ITGB3BP: variants seen among roughly 807,000 people sequenced by gnomAD.
The protein encoded by ITGB3BP is integrin subunit beta 3 binding protein.
Under a neutral mutation model 29.1 loss-of-function variants are expected in ITGB3BP, and 27 were observed. The ratio of observed to expected loss-of-function variants is 0.93; its 90% CI spans 0.68 to 1.28. The LOEUF (loss-of-function observed/expected upper bound fraction) is 1.28. Ranked by LOEUF, ITGB3BP falls within the 50% of genes most tolerant of loss-of-function variation. ITGB3BP has a pLI of 0.00. For synonymous variants in ITGB3BP, 61 were observed against 61.4 expected (o/e 0.99, Z 0.03); for missense variants, 192 against 200.2 (o/e 0.96, Z 0.25).
At chr1:63,456,959 AT>A (rs1311120527) in intron 4 of ITGB3BP, among the ~76,000 whole-genome samples, 2 of 152,204 alleles carry the variant, frequency 1.3e-5, no homozygotes, top group Non-Finnish European at 2.9e-5. Context: ...AATATCAATT[AT>A]CTGGGGAAGT....
chr1:63,510,926 T>C (rs563917238), intron 1 of ITGB3BP, among the ~76,000 whole-genome samples: 1 of 152,282 alleles, frequency 6.6e-6, no homozygotes, highest in East Asian at 1.9e-4. Context: ...AAGAGACGGA[T>C]GAAACATATG....
intron 4 of ITGB3BP, among the ~76,000 whole-genome samples, chr1:63,472,443 T>TCCCCTCTCCCCTCTC (rs11379062): frequency 4.4e-5 from 4 of 90,398 alleles, no homozygotes; most frequent in South Asian, 4.6e-4. Context: ...CCTCTCCCTC[T>TCCCCTCTCCCCTCTC]CCCTCTCCCC....
intron 7 of ITGB3BP, chr1:63,449,300 T>G (rs1050979523): frequency 1.3e-5 from 2 of 152,548 alleles, no homozygotes; most frequent in Admixed American, 6.5e-5. Flanking sequence ...TAATGTCTGA[T>G]AGCAAGTTAT....
At chr1:63,474,284 C>T in intron 4 of ITGB3BP, among the ~76,000 whole-genome samples, 1 of 144,368 alleles carries the variant, frequency 6.9e-6, no homozygotes, top group African/African-American at 2.5e-5. Flanking sequence ...GGGGGTCAGC[C>T]CCCCGCCCGG....
chr1:63,522,116 T>C (rs1646463446), intron 1 of ITGB3BP, among the ~76,000 whole-genome samples: 1 of 152,224 alleles, frequency 6.6e-6, no homozygotes, highest in South Asian at 2.1e-4. Flanking sequence ...TATTAGGTGA[T>C]GGGTTTCTTT....
chr1:63,522,998 G>A (rs762164547), intron 1 of ITGB3BP, 131 bp downstream of exon 1: 1 of 1,021,506 alleles, frequency 9.8e-7, no homozygotes, highest in African/African-American at 1.6e-5. Flanking sequence ...GAAGGGAATT[G>A]CCTGTGGACA....
intron 2 of ITGB3BP, among the ~76,000 whole-genome samples, chr1:63,490,877 T>C (rs757253971): frequency 1.3e-4 from 20 of 152,182 alleles, no homozygotes; most frequent in Non-Finnish European, 2.5e-4. Flanking sequence ...ATAAATATTA[T>C]CTTTTCATCT....
At chr1:63,449,824 A>T (rs1016757475) in intron 7 of ITGB3BP, 1 of 154,534 alleles carries the variant, frequency 6.5e-6, no homozygotes, top group African/African-American at 2.4e-5. Flanking sequence ...ATCTGTTTGA[A>T]AAAAATATAT....
intron 4 of ITGB3BP, among the ~76,000 whole-genome samples, chr1:63,469,078 G>C (rs1645150254): frequency 6.6e-6 from 1 of 150,700 alleles, no homozygotes; most frequent in Non-Finnish European, 1.5e-5. Context: ...CCAACATAAA[G>C]CTTTGTGAGC....
At chr1:63,485,594 C>T (rs1024754042) in intron 3 of ITGB3BP, among the ~76,000 whole-genome samples, 2 of 152,006 alleles carry the variant, frequency 1.3e-5, no homozygotes, top group African/African-American at 4.8e-5. Flanking sequence ...TGCAATTCCA[C>T]TCCTTTATCT....
intron 2 of ITGB3BP, among the ~76,000 whole-genome samples, chr1:63,503,614 T>C (rs961962421): frequency 2.6e-5 from 4 of 152,056 alleles, no homozygotes; most frequent in Admixed American, 2.0e-4. Flanking sequence ...TGGTATTGCC[T>C]AGGTTTTCTT....
intron 3 of ITGB3BP, among the ~76,000 whole-genome samples, chr1:63,486,939 A>G (rs1290101131): frequency 6.6e-6 from 1 of 152,102 alleles, no homozygotes; most frequent in Non-Finnish European, 1.5e-5. Flanking sequence ...GTAGCTATGA[A>G]ATTATTACAG....
At chr1:63,520,809 T>G (rs1646427522) in intron 1 of ITGB3BP, among the ~76,000 whole-genome samples, 1 of 152,220 alleles carries the variant, frequency 6.6e-6, no homozygotes, top group African/African-American at 2.4e-5. Context: ...ATCATTTCTC[T>G]GTATTTATCA....
At chr1:63,527,895 G>A (rs560382520), upstream of ITGB3BP, 2 of 152,244 alleles carry the variant, frequency 1.3e-5, no homozygotes, top group South Asian at 4.1e-4. Context: ...TCTCAAAACT[G>A]AACAGAAGAT....
At chr1:63,499,536 A>G (rs1256840364) in intron 2 of ITGB3BP, among the ~76,000 whole-genome samples, 1 of 152,196 alleles carries the variant, frequency 6.6e-6, no homozygotes, top group Non-Finnish European at 1.5e-5. Context: ...CTTTGAAGCC[A>G]GTATTATCCT....
intron 8 of ITGB3BP, 106 bp downstream of exon 8, chr1:63,446,700 C>T (rs2100471988): frequency 3.7e-6 from 3 of 811,232 alleles, no homozygotes; most frequent in Non-Finnish European, 6.2e-6. Flanking sequence ...TATTTTCTTA[C>T]AGGAAGACAA....
At chr1:63,496,590 G>C (rs964302199) in intron 2 of ITGB3BP, among the ~76,000 whole-genome samples, 5 of 152,082 alleles carry the variant, frequency 3.3e-5, no homozygotes, top group Admixed American at 3.3e-4. Flanking sequence ...GGGATAATTT[G>C]ACAGCTGCTC....
At position 63,478,839 on chromosome 1, in the gene ITGB3BP, T is replaced by C. The variant is rs374122659; in HGVS notation, c.185-6A>G. 3.7e-6 allele frequency: 4 copies of C among 1,093,694 alleles called. No homozygotes were observed. Among genetic ancestry groups the C allele is most frequent in the Non-Finnish European group, 5.2e-6 (4 of 762,364 alleles). The allele number at this position is 1,093,694 out of a possible 1,614,324, so 67.7% of individuals were successfully genotyped here. A position where few individuals can be genotyped will look rare whatever the true frequency, so the allele number is the denominator to read the frequency against. ...ATTCAATTTTTTTCTCTTTTCTATA[T>C]ATGTGTAATAAAGAAAAGGACATAA... is the stretch of plus-strand genomic sequence containing the variant. On this transcript the variant is annotated splice_region_variant and splice_polypyrimidine_tract_variant and intron_variant, in intron 3 of 8. Transcript: ENST00000271002.
At position 63,440,836 on chromosome 1, in the gene ITGB3BP, G is replaced by A. The variant is rs922698833; in HGVS notation, c.*269C>T. ...CTAAAAGTCCACAGAAGTGTATGTG[G>A]TACAGAATATAAGTCAAGATCTTCC... is the stretch of plus-strand genomic sequence containing the variant. On this transcript the variant is annotated 3_prime_UTR_variant, in exon 9 of 9. Coordinates refer to ENST00000271002, the MANE Select transcript of ITGB3BP (RefSeq NM_014288.5). The A allele has an allele frequency of 1.3e-5, 2 of 152,514 alleles. No homozygotes were observed. The highest frequency in any genetic ancestry group is 2.1e-4 in the South Asian group (1 of 4,830). 9.4% of individuals were successfully genotyped at this position (152,514 alleles called of 1,614,324 possible).
Sources: allele counts gnomAD v4.1 joint callset (sites outside exome capture counted in the v4.1 genomes callset), GRCh38; gene constraint gnomAD v4.1.1; transcripts MANE v1.5; gene names NCBI Gene and HGNC (gene_info 2026-07-23, HGNC 2026-07-21).